Variants in XKR6 observed in about 807,000 individuals in gnomAD.
XKR6 encodes XK-related protein 6.
Under a neutral mutation model 56.7 loss-of-function variants are expected in XKR6, and 22 were observed. The ratio of observed to expected loss-of-function variants is 0.39; its 90% confidence interval spans 0.28 to 0.55. The LOEUF is 0.55. Among genes scored for constraint, XKR6 ranks in the 20% least tolerant of loss-of-function variants. The probability of loss-of-function intolerance (pLI) is 0.66; values close to 1 mark genes in which losing one functional copy is unlikely to be tolerated. For missense variants in XKR6, 852 were observed against 889.0 expected, an observed-to-expected ratio of 0.96 and a Z score of 0.53; for synonymous variants, 524 against 387.8, an observed-to-expected ratio of 1.35 and a Z score of -4.13.
chr8:10,916,355 A>G (rs10093063), intron 2 of XKR6, among the ~76,000 whole-genome samples: 2,304 of 152,310 alleles, frequency 0.015, 64 homozygotes, highest in African/African-American at 0.05. Context: ...GCTTCACCCT[A>G]TTTTAACCAA....
chr8:11,047,387 T>A lies in XKR6; in HGVS notation c.765-122557A>T, dbSNP rs1315026535. Reference sequence around the variant, plus strand: ...TTATTTTTCAATTTTTCATCAGGGATACCATGTGGCTTTCATGGGCTTCAC... The same window carrying A: ...TTATTTTTCAATTTTTCATCAGGGAAACCATGTGGCTTTCATGGGCTTCAC... On this transcript the variant is annotated intron_variant, in intron 1 of 2. Coordinates refer to ENST00000416569, the MANE Select transcript of XKR6 (RefSeq NM_173683.4). Among the ~76,000 whole-genome samples the A allele has an allele frequency of 2.0e-5, 3 of 152,254 alleles. No homozygotes were observed. In the East Asian group the frequency reaches 5.8e-4, roughly 29 times the overall value.
At chr8:11,037,118 C>T (rs1799166471) in intron 1 of XKR6, among the ~76,000 whole-genome samples, 1 of 152,220 alleles carries the variant, frequency 6.6e-6, no homozygotes, top group African/African-American at 2.4e-5. Context: ...CAACACTTCT[C>T]AAATTTCTGC....
At chr8:11,166,620 T>C (rs1245673578) in intron 1 of XKR6, among the ~76,000 whole-genome samples, 1 of 152,210 alleles carries the variant, frequency 6.6e-6, no homozygotes, top group Non-Finnish European at 1.5e-5. Context: ...TCGCTCAGGC[T>C]GGAGTGCCAT....
chr8:11,193,112 G>C (rs1330006946), intron 1 of XKR6, among the ~76,000 whole-genome samples: 1 of 151,428 alleles, frequency 6.6e-6, no homozygotes, highest in Non-Finnish European at 1.5e-5. Flanking sequence ...TTTCCTCCAA[G>C]AGGGTGGTGA....
chr8:11,017,832 G>A (rs1798661459), intron 1 of XKR6, among the ~76,000 whole-genome samples: 1 of 152,226 alleles, frequency 6.6e-6, no homozygotes, highest in African/African-American at 2.4e-5. Context: ...GGGCCAGGAA[G>A]CAGTTTTGTG....
chr8:10,982,883 G>C (rs1797766282), intron 1 of XKR6, among the ~76,000 whole-genome samples: 1 of 152,178 alleles, frequency 6.6e-6, no homozygotes, highest in Non-Finnish European at 1.5e-5. Context: ...GCTGAACCAA[G>C]GGCACCAGGG....
intron 1 of XKR6, among the ~76,000 whole-genome samples, chr8:11,156,657 T>C (rs1260383003): frequency 1.3e-5 from 2 of 152,196 alleles, no homozygotes; most frequent in African/African-American, 2.4e-5. Context: ...CCATTATCTA[T>C]TCAATTGTCA....
intron 1 of XKR6, chr8:11,128,784 C>G: frequency 2.2e-6 from 1 of 455,792 alleles, no homozygotes; most frequent in Non-Finnish European, 4.4e-6. Flanking sequence ...TTATGCCCAT[C>G]AGCTGACCAA....
At chr8:11,138,007 G>T (rs10096326) in intron 1 of XKR6, 13,668 of 303,460 alleles carry the variant, frequency 0.045, 1,801 homozygotes, top group African/African-American at 0.28. Flanking sequence ...CTTCTACCTC[G>T]GAAGACATCA....
intron 2 of XKR6, among the ~76,000 whole-genome samples, chr8:10,916,102 G>C (rs913864333): frequency 6.6e-6 from 1 of 152,236 alleles, no homozygotes; most frequent in Non-Finnish European, 1.5e-5. Flanking sequence ...AGAAGGAGGG[G>C]CTCTGCTCAA....
chr8:11,045,896 C>A (rs998828212), intron 1 of XKR6, among the ~76,000 whole-genome samples: 128 of 152,254 alleles, frequency 8.4e-4, no homozygotes, highest in African/African-American at 2.9e-3. Context: ...ATAGCCACAG[C>A]CAGAGTAGGA....
intron 2 of XKR6, among the ~76,000 whole-genome samples, 174 bp from the exon 3 acceptor site, chr8:10,899,090 A>G (rs1799966456): frequency 6.6e-6 from 1 of 152,172 alleles, no homozygotes; most frequent in Non-Finnish European, 1.5e-5. Flanking sequence ...TACGCTGACA[A>G]CTTGGGAGAT....
Position 11,200,814 on chromosome 8 carries a change from C to G in XKR6, c.526G>C (p.Val176Leu). The G allele has an allele frequency of 6.2e-7, 1 of 1,611,800 alleles. No individual in the cohort carries two copies. The highest frequency in any genetic ancestry group is 1.3e-5 in the African/African-American group (1 of 74,858). ...AACCAGCGGAAGCTCAGGCTCTGCA[C>G]CAGCAGCGACGGCACCAGCACGAAG... ...LFFVLVPSLL[V>L]QSLSFRWFVQ... Residue 176 changes from valine (V) to leucine (L), a missense_variant, in exon 1 of 3, where the codon GTG (valine) becomes CTG (leucine). Val to Leu is a conservative substitution (Grantham distance 32). Transcript: ENST00000416569. The surrounding 1 kb of genome is among the most constrained non-coding windows in gnomAD (Gnocchi z 6.4).
chr8:10,899,173 T>C (rs1031272017), intron 2 of XKR6, among the ~76,000 whole-genome samples: 3 of 152,160 alleles, frequency 2.0e-5, no homozygotes, highest in African/African-American at 4.8e-5. Context: ...TGAGCCAGTG[T>C]GTTTTGCTAG....
intron 2 of XKR6, among the ~76,000 whole-genome samples, chr8:10,917,058 T>A (rs1224327678): frequency 2.0e-5 from 3 of 146,718 alleles, no homozygotes; most frequent in African/African-American, 7.7e-5. Flanking sequence ...TGCTTCCCTG[T>A]CTTAGCAAAG....
intron 1 of XKR6, among the ~76,000 whole-genome samples, chr8:11,038,835 C>T (rs1314036677): frequency 6.6e-6 from 1 of 152,128 alleles, no homozygotes; most frequent in Admixed American, 6.5e-5. Flanking sequence ...GCCACCGCGC[C>T]TGGCCGACTT....
At chr8:11,121,414 G>C (rs2129183657) in intron 1 of XKR6, among the ~76,000 whole-genome samples, 1 of 152,280 alleles carries the variant, frequency 6.6e-6, no homozygotes, top group Non-Finnish European at 1.5e-5. Flanking sequence ...CATTTATGCA[G>C]CCAAAAAACA....
At chr8:11,021,554 G>C (rs1798749744) in intron 1 of XKR6, among the ~76,000 whole-genome samples, 1 of 152,098 alleles carries the variant, frequency 6.6e-6, no homozygotes, top group Non-Finnish European at 1.5e-5. Context: ...TCCCTTTCAA[G>C]CAGAAAACAG....
At chr8:11,123,016 C>G (rs1799531151) in intron 1 of XKR6, among the ~76,000 whole-genome samples, 1 of 151,982 alleles carries the variant, frequency 6.6e-6, no homozygotes, top group Non-Finnish European at 1.5e-5. Flanking sequence ...GTGGGTGGAT[C>G]ACCTGAAATC....
Sources: gnomAD v4.1 joint callset for allele counts (sites outside exome capture counted in the v4.1 genomes callset) on GRCh38, gnomAD v4.1.1 for gene constraint, Gnocchi (gnomAD v3.1) non-coding constraint, MANE v1.5 for transcripts, NCBI Gene and HGNC (gene_info 2026-07-23, HGNC 2026-07-21) for gene names.